Variants in PCSK2 observed in about 807,000 individuals in gnomAD.
PCSK2 encodes the protein proprotein convertase subtilisin/kexin type 2, also known as neuroendocrine convertase 2.
PCSK2 carries 14 observed loss-of-function variants against 69.7 expected under a neutral mutation model. The observed-to-expected ratio is 0.20, with a 90% CI of 0.13 to 0.31. The LOEUF (loss-of-function observed/expected upper bound fraction) is 0.31. PCSK2 is among the 10% of genes least tolerant of loss of function. The pLI is 1.00. For missense variants in PCSK2, 544 were observed against 842.5 expected (o/e 0.65, Z 4.39); for synonymous variants, 307 against 320.7 (o/e 0.96, Z 0.46).
intron 5 of PCSK2, among the ~76,000 whole-genome samples, chr20:17,403,795 G>A (rs1268738551): frequency 1.3e-5 from 2 of 152,224 alleles, no homozygotes; most frequent in African/African-American, 2.4e-5. Flanking sequence ...TGTTATTTAA[G>A]ATGTTATTCA....
At chr20:17,264,267 A>C (rs529240758) in intron 2 of PCSK2, among the ~76,000 whole-genome samples, 6 of 152,328 alleles carry the variant, frequency 3.9e-5, no homozygotes, top group African/African-American at 1.4e-4. Context: ...TCATTTCTTG[A>C]GAGAGGTTAT....
chr20:17,369,713 G>T (rs1359407243), intron 5 of PCSK2, among the ~76,000 whole-genome samples: 1 of 152,212 alleles, frequency 6.6e-6, no homozygotes, highest in Non-Finnish European at 1.5e-5. Flanking sequence ...TAGGTACAGG[G>T]AGGGGGAAGA....
intron 7 of PCSK2, among the ~76,000 whole-genome samples, chr20:17,433,674 C>T (rs1000312731): frequency 1.3e-5 from 2 of 152,190 alleles, no homozygotes; most frequent in Non-Finnish European, 2.9e-5. Context: ...TGCAGGCCTG[C>T]CTGGGGTCAG....
chr20:17,471,327 A>G (rs1476097086), intron 11 of PCSK2, among the ~76,000 whole-genome samples: 2 of 152,328 alleles, frequency 1.3e-5, no homozygotes, highest in Non-Finnish European at 1.5e-5. Flanking sequence ...TCTCACAACT[A>G]TCCAGGAACT....
At chr20:17,446,038 T>G (rs1291343062) in intron 8 of PCSK2, among the ~76,000 whole-genome samples, 1 of 152,186 alleles carries the variant, frequency 6.6e-6, no homozygotes, top group Non-Finnish European at 1.5e-5. Flanking sequence ...CACCCACCCT[T>G]TGGCGCTATT....
rs376203208 is a variant in PCSK2, at chr20:17,227,389, G to A, written c.84G>A (p.Pro28=). The A allele has an allele frequency of 1.9e-6, 3 of 1,613,784 alleles. No homozygotes were observed. Among genetic ancestry groups the A allele is most frequent in the African/African-American group, 2.7e-5 (2 of 74,886 alleles). The change falls in exon 1 of 12, where the codon CCG becomes CCA. Residue 28 remains proline, a synonymous_variant. Transcript: ENST00000262545. ...TGGTTTTTGCATCTGCTGAGCGACC[G>A]GTCTTCACGAATCATTTTCTTGTGG... The part of the protein sequence containing the change: ...CVMVFASAER[P]VFTNHFLVEL...
At chr20:17,343,775 C>A (rs945735809) in intron 2 of PCSK2, among the ~76,000 whole-genome samples, 4 of 152,120 alleles carry the variant, frequency 2.6e-5, no homozygotes, top group Non-Finnish European at 5.9e-5. Flanking sequence ...TCCACTGTTG[C>A]GCCGTTAATG....
At chr20:17,465,780 G>T (rs1162899811) in intron 11 of PCSK2, among the ~76,000 whole-genome samples, 1 of 152,088 alleles carries the variant, frequency 6.6e-6, no homozygotes, top group African/African-American at 2.4e-5. Flanking sequence ...TAATCCTCCT[G>T]CCTCAGACTT....
chr20:17,459,140 G>T (rs59278935), intron 10 of PCSK2, among the ~76,000 whole-genome samples: 12,219 of 152,150 alleles, frequency 0.08, 814 homozygotes, highest in African/African-American at 0.19. Context: ...TATATAGAAA[G>T]AAATTCATTA....
intron 5 of PCSK2, among the ~76,000 whole-genome samples, chr20:17,380,921 C>G (rs908762363): frequency 2.6e-5 from 4 of 152,204 alleles, no homozygotes; most frequent in African/African-American, 9.7e-5. Context: ...GCTTCCCCAG[C>G]CCTCCCTGTC....
At chr20:17,475,602 G>T (rs1408389578) in intron 11 of PCSK2, among the ~76,000 whole-genome samples, 1 of 152,098 alleles carries the variant, frequency 6.6e-6, no homozygotes, top group Admixed American at 6.5e-5. Context: ...AATATTTTCA[G>T]TTTTCCACAA....
chr20:17,438,448 T>C (rs2032530679), intron 8 of PCSK2, among the ~76,000 whole-genome samples: 1 of 152,204 alleles, frequency 6.6e-6, no homozygotes, highest in African/African-American at 2.4e-5. Context: ...TCAGAAAACA[T>C]GTGTTTTCCT....
At chr20:17,231,534 A>G (rs556491431) in intron 1 of PCSK2, among the ~76,000 whole-genome samples, 1 of 152,344 alleles carries the variant, frequency 6.6e-6, no homozygotes, top group South Asian at 2.1e-4. Context: ...TGGCAAACAC[A>G]TATATGGCCT....
intron 5 of PCSK2, among the ~76,000 whole-genome samples, chr20:17,384,231 A>T (rs1201163928): frequency 2.0e-5 from 3 of 152,140 alleles, no homozygotes; most frequent in Non-Finnish European, 4.4e-5. Flanking sequence ...CCAGTAATCT[A>T]TTCTTTGGGT....
At chr20:17,253,674 A>G (rs546495916) in intron 1 of PCSK2, among the ~76,000 whole-genome samples, 1 of 152,336 alleles carries the variant, frequency 6.6e-6, no homozygotes, top group South Asian at 2.1e-4. Context: ...AAACATTTGT[A>G]TACAAGAATT....
intron 11 of PCSK2, among the ~76,000 whole-genome samples, chr20:17,480,215 A>T: frequency 3.6e-5 from 2 of 55,418 alleles, no homozygotes; most frequent in South Asian, 5.9e-4. Flanking sequence ...TTTGAGGCAG[A>T]GTCTCGCTCT....
At position 17,306,590 on chromosome 20, in the gene PCSK2, G is replaced by T. The variant is rs150545771; in HGVS notation, c.282+46246G>T. Among the ~76,000 whole-genome samples the T allele has an allele frequency of 1.4e-3, 210 of 152,286 alleles. 1 individual carries two copies. The highest frequency in any genetic ancestry group is 4.8e-3 in the African/African-American group (201 of 41,562). ...ATGAGAAATGGGAGGACTCACTGAAGGGAGGACACTGTTCGCATAGGAACA... is the reference window on the plus strand; with the variant it reads ...ATGAGAAATGGGAGGACTCACTGAATGGAGGACACTGTTCGCATAGGAACA... On this transcript the variant is annotated intron_variant, in intron 2 of 11. Transcript: ENST00000262545.
chr20:17,368,296 CCTTACATTGTT>C (rs1243338792), intron 4 of PCSK2, among the ~76,000 whole-genome samples: 8 of 152,144 alleles, frequency 5.3e-5, no homozygotes, highest in Non-Finnish European at 1.2e-4. Context: ...TTTCTTTAGT[CCTTACATTGTT>C]CTCACCCCCA....
chr20:17,445,997 C>G (rs190745646), intron 8 of PCSK2, among the ~76,000 whole-genome samples: 2 of 152,332 alleles, frequency 1.3e-5, no homozygotes, highest in African/African-American at 4.8e-5. Flanking sequence ...TCAGGAAACC[C>G]CTCAATCCTG....
Sources: allele counts gnomAD v4.1 joint callset (sites outside exome capture counted in the v4.1 genomes callset), GRCh38; gene constraint gnomAD v4.1.1; transcripts MANE v1.5; gene names NCBI Gene and HGNC (gene_info 2026-07-23, HGNC 2026-07-21).